The following SIAE variants were observed in gnomAD, a reference collection of about 807,000 sequenced individuals.
The protein encoded by SIAE is sialic acid acetylesterase.
SIAE carries 39 observed loss-of-function variants against 52.6 expected under a neutral mutation model. The ratio of observed to expected loss-of-function variants is 0.74; its 90% CI spans 0.57 to 0.97. The LOEUF is 0.97. Among genes scored for constraint, SIAE ranks in the 50% least tolerant of loss-of-function variants. The pLI is 0.00. For synonymous variants in SIAE, 233 were observed against 241.4 expected, an observed-to-expected ratio of 0.97 and a Z score of 0.32; for missense variants, 592 against 662.1, an observed-to-expected ratio of 0.89 and a Z score of 1.16.
chr11:124,649,345 T>C (rs1942984226), intron 5 of SIAE, among the ~76,000 whole-genome samples: 1 of 151,252 alleles, frequency 6.6e-6, no homozygotes, highest in Non-Finnish European at 1.5e-5. Flanking sequence ...ATATATAAAG[T>C]GCTTAGCACA....
intron 1 of SIAE, among the ~76,000 whole-genome samples, chr11:124,672,256 A>G (rs1374209845): frequency 6.6e-6 from 1 of 152,166 alleles, no homozygotes; most frequent in Non-Finnish European, 1.5e-5. Context: ...TGGAGTAGAA[A>G]AACAGGAATT....
chr11:124,663,523 G>A (rs1247826898), intron 2 of SIAE, among the ~76,000 whole-genome samples: 2 of 152,172 alleles, frequency 1.3e-5, no homozygotes, highest in African/African-American at 2.4e-5. Context: ...GCAGTGAGCC[G>A]AGACTGTGCC....
intron 1 of SIAE, among the ~76,000 whole-genome samples, chr11:124,671,847 C>T (rs569236473): frequency 5.3e-5 from 8 of 152,004 alleles, no homozygotes; most frequent in South Asian, 2.1e-4. Flanking sequence ...CTGCAACCTC[C>T]GCCTCTGGGG....
chr11:124,675,368 T>C (rs764433968), upstream of SIAE: 7 of 1,614,044 alleles, frequency 4.3e-6, no homozygotes, highest in Non-Finnish European at 3.4e-6. Flanking sequence ...CCGGACAATA[T>C]ACCAGCTTTT....
At position 124,647,465 on chromosome 11, in the gene SIAE, T is replaced by C; in HGVS notation, c.866A>G (p.Tyr289Cys). The change falls in exon 7 of 10, where the codon TAC (tyrosine) becomes TGC (cysteine). Residue 289 changes from tyrosine to cysteine, a missense_variant. Transcript: ENST00000263593. ...GATGAGTGCAGGGAATGTGCAATTG[T>C]ACAGATCCGTGTTATAATTTATATT... Reference protein sequence around the residue: ...ESNINYNTDLYNCTFPALIED... With the variant: ...ESNINYNTDLCNCTFPALIED... The C allele has an allele frequency of 6.2e-7, 1 of 1,614,204 alleles. No individual in the cohort carries two copies. The highest frequency in any genetic ancestry group is 8.5e-7 in the Non-Finnish European group (1 of 1,180,042).
At chr11:124,666,030 G>A (rs1943269530) in intron 2 of SIAE, among the ~76,000 whole-genome samples, 1 of 152,074 alleles carries the variant, frequency 6.6e-6, no homozygotes, top group Non-Finnish European at 1.5e-5. Context: ...GATATGCCTG[G>A]TTTTCCCTGC....
Position 124,649,698 on chromosome 11 carries a change from C to T in SIAE, c.643G>A (p.Ala215Thr), listed in dbSNP as rs764572330. 2.8e-5 allele frequency: 45 copies of T among 1,613,966 alleles called. No individual in the cohort carries two copies. Among genetic ancestry groups the T allele is most frequent in the Admixed American group, 1.0e-4 (6 of 59,980 alleles). Residue 215 changes from alanine to threonine, a missense_variant, in exon 5 of 10, where the codon GCC becomes ACC. Transcript: ENST00000263593. Reference sequence around the variant, plus strand: ...ATGGGTGTCCCGCCCCAGCTGGAGGCGATCAGCCCGATGGGATACTGCAGA... The same window carrying T: ...ATGGGTGTCCCGCCCCAGCTGGAGGTGATCAGCCCGATGGGATACTGCAGA... ...DTLQYPIGLI[A>T]SSWGGTPIEA...
intron 7 of SIAE, among the ~76,000 whole-genome samples, chr11:124,646,762 G>T (rs1353565396): frequency 6.6e-6 from 1 of 152,194 alleles, no homozygotes; most frequent in Non-Finnish European, 1.5e-5. Flanking sequence ...TATATGCAGT[G>T]ATTTAGCAAC....
upstream of SIAE, chr11:124,673,949 G>C: frequency 1.7e-6 from 1 of 574,636 alleles, no homozygotes; most frequent in Non-Finnish European, 3.1e-6. Context: ...CGGAGAGAAA[G>C]GAGGTGAGGC....
At chr11:124,649,580 C>G in intron 5 of SIAE, 39 bp downstream of exon 5, 1 of 1,610,590 alleles carries the variant, frequency 6.2e-7, no homozygotes, top group Non-Finnish European at 8.5e-7. Flanking sequence ...GCATAATTCC[C>G]TGGTAGGCTC....
intron 4 of SIAE, among the ~76,000 whole-genome samples, chr11:124,652,709 AAAG>A (rs1943034727): frequency 1.3e-5 from 2 of 151,082 alleles, no homozygotes; most frequent in African/African-American, 4.9e-5. Flanking sequence ...AAAAAAAAAA[AAAG>A]GGGGAAGAGC....
At chr11:124,656,701 G>GA (rs1565414571) in intron 3 of SIAE, among the ~76,000 whole-genome samples, 1 of 151,130 alleles carries the variant, frequency 6.6e-6, no homozygotes, top group African/African-American at 2.4e-5. Context: ...TTTTGTTTTT[G>GA]TTTTTTTTTA....
In SIAE at chr11:124,665,486, T is replaced by A. The variant is rs372561884; in HGVS notation, c.229+3874A>T. Among the ~76,000 whole-genome samples the A allele has an allele frequency of 2.6e-5, 4 of 152,266 alleles. No individual in the cohort carries two copies. In the East Asian group the frequency reaches 7.7e-4, roughly 29 times the overall value. Reference sequence around the variant, plus strand: ...AAACAGGTAACTCCCTACTCGCACCTCCAGGTGGGAACGCAGCCTGGCCTA... The same window carrying A: ...AAACAGGTAACTCCCTACTCGCACCACCAGGTGGGAACGCAGCCTGGCCTA... On this transcript the variant is annotated intron_variant, in intron 2 of 9. Coordinates refer to ENST00000263593, the MANE Select transcript of SIAE (RefSeq NM_170601.5).
At chr11:124,638,275 C>A (rs1051007884) in intron 9 of SIAE, among the ~76,000 whole-genome samples, 1 of 152,184 alleles carries the variant, frequency 6.6e-6, no homozygotes, top group East Asian at 1.9e-4. Context: ...ATGGTTGCTT[C>A]GGCAGAGAAA....
intron 2 of SIAE, among the ~76,000 whole-genome samples, chr11:124,663,302 C>A (rs999358918): frequency 6.6e-6 from 1 of 152,160 alleles, no homozygotes; most frequent in Non-Finnish European, 1.5e-5. Context: ...ATTGGCCGGG[C>A]GCAGTGGCTT....
intron 4 of SIAE, among the ~76,000 whole-genome samples, chr11:124,652,757 A>T (rs1943036061): frequency 6.6e-6 from 1 of 150,998 alleles, no homozygotes; most frequent in East Asian, 1.9e-4. Flanking sequence ...CGTGGGAGAG[A>T]TGGATCCTCT....
chr11:124,647,474 G>C lies in SIAE; in HGVS notation c.857C>G (p.Thr286Arg), dbSNP rs147977671. 103 of 1,614,018 alleles carry C rather than the reference G, an allele frequency of 6.4e-5. No homozygotes were observed. Among genetic ancestry groups the C allele is most frequent in the Non-Finnish European group, 8.2e-5 (97 of 1,180,022 alleles). Reference protein sequence around the residue: ...YQGESNINYNTDLYNCTFPAL... With the variant: ...YQGESNINYNRDLYNCTFPAL... ...AGGGAATGTGCAATTGTACAGATCC[G>C]TGTTATAATTTATATTGGACTCCCC... Residue 286 changes from threonine to arginine, a missense_variant, in exon 7 of 10, where the codon ACG (threonine) becomes AGG (arginine). Transcript: ENST00000263593.
At chr11:124,666,381 A>G (rs957319773) in intron 2 of SIAE, among the ~76,000 whole-genome samples, 2 of 152,204 alleles carry the variant, frequency 1.3e-5, no homozygotes, top group Non-Finnish European at 2.9e-5. Context: ...TCTGCCTATG[A>G]AATTTCTTAC....
At chr11:124,671,367 A>AAAT (rs150390212) in intron 1 of SIAE, among the ~76,000 whole-genome samples, 5 of 152,100 alleles carry the variant, frequency 3.3e-5, no homozygotes, top group Non-Finnish European at 7.4e-5. Context: ...AACGATGAAA[A>AAAT]AATAATAATA....
Sources: allele counts gnomAD v4.1 joint callset (sites outside exome capture counted in the v4.1 genomes callset), GRCh38; gene constraint gnomAD v4.1.1; transcripts MANE v1.5; gene names NCBI Gene and HGNC (gene_info 2026-07-23, HGNC 2026-07-21).